The following LRRC4C variants were observed in gnomAD, a reference collection of about 807,000 sequenced individuals.
The protein encoded by LRRC4C is leucine-rich repeat-containing protein 4C.
A neutral mutation model predicts 33.6 loss-of-function variants in LRRC4C; 5 were observed. The ratio of observed to expected loss-of-function variants is 0.15; its 90% CI spans 0.08 to 0.31. The LOEUF (loss-of-function observed/expected upper bound fraction) is 0.31, where lower values mean the gene tolerates loss of function less well. LRRC4C is among the 10% of genes least tolerant of loss of function. The pLI is 1.00. For synonymous variants in LRRC4C, 329 were observed against 302.0 expected (o/e 1.09, Z -0.93); for missense variants, 560 against 796.7 (o/e 0.70, Z 3.58).
chr11:41,290,304 T>TG (rs1949954171), intron 1 of LRRC4C, among the ~76,000 whole-genome samples: 1 of 152,216 alleles, frequency 6.6e-6, no homozygotes. Flanking sequence ...CACTCCTGCC[T>TG]TTCTATACAA....
At chr11:40,149,197 A>C (rs1427390176) in intron 5 of LRRC4C, among the ~76,000 whole-genome samples, 1 of 152,152 alleles carries the variant, frequency 6.6e-6, no homozygotes, top group Non-Finnish European at 1.5e-5. Flanking sequence ...ATGAATTTTA[A>C]AATAATCTTT....
chr11:41,068,211 G>A lies in LRRC4C; in HGVS notation c.-495-134488C>T, dbSNP rs184957788. ...AGTTCAAGACCAGCCTGGCCAACGT[G>A]GTGAAACCCTGTGTCTATTAAAAAT... On this transcript the variant is annotated intron_variant, in intron 1 of 6. Transcript: ENST00000528697. Among the ~76,000 whole-genome samples, 43 of 152,246 alleles carry A rather than the reference G, an allele frequency of 2.8e-4. No individual in the cohort carries two copies. In the East Asian group the frequency reaches 7.0e-3, roughly 25 times the overall value.
intron 3 of LRRC4C, among the ~76,000 whole-genome samples, chr11:40,333,546 G>A (rs545393599): frequency 5.9e-5 from 9 of 151,544 alleles, no homozygotes; most frequent in African/African-American, 9.7e-5. Flanking sequence ...GTGAAATCCC[G>A]TCTCTACTAA....
chr11:40,744,671 G>A (rs1429198731), intron 2 of LRRC4C, among the ~76,000 whole-genome samples: 1 of 152,088 alleles, frequency 6.6e-6, no homozygotes, highest in South Asian at 2.1e-4. Flanking sequence ...CCTATGCATG[G>A]TGTTATTCTG....
chr11:40,710,961 C>T (rs1392201096), intron 2 of LRRC4C, among the ~76,000 whole-genome samples: 1 of 152,032 alleles, frequency 6.6e-6, no homozygotes, highest in Non-Finnish European at 1.5e-5. Flanking sequence ...CTGAGACTAG[C>T]AGTGGGCAAG....
At chr11:40,139,212 G>A (rs1857194804) in intron 6 of LRRC4C, among the ~76,000 whole-genome samples, 1 of 152,146 alleles carries the variant, frequency 6.6e-6, no homozygotes, top group East Asian at 1.9e-4. Flanking sequence ...GAAAAACAGT[G>A]AGCTATCAAT....
intron 3 of LRRC4C, among the ~76,000 whole-genome samples, chr11:40,485,455 A>G (rs1032553806): frequency 6.6e-6 from 1 of 151,954 alleles, no homozygotes; most frequent in Non-Finnish European, 1.5e-5. Context: ...ACTACCAGCT[A>G]ATTTGTGAAA....
chr11:40,749,520 A>C, intron 2 of LRRC4C, among the ~76,000 whole-genome samples: 1 of 151,948 alleles, frequency 6.6e-6, no homozygotes, highest in Non-Finnish European at 1.5e-5. Flanking sequence ...CTACATCAAA[A>C]AATTATAAAG....
intron 3 of LRRC4C, among the ~76,000 whole-genome samples, chr11:40,585,469 G>C (rs916050143): frequency 4.3e-5 from 6 of 140,054 alleles, no homozygotes; most frequent in African/African-American, 1.4e-4. Flanking sequence ...ATTTGAATTT[G>C]TTATTTCTTT....
At chr11:40,888,295 T>C (rs1955552972) in intron 2 of LRRC4C, among the ~76,000 whole-genome samples, 1 of 151,942 alleles carries the variant, frequency 6.6e-6, no homozygotes, top group Admixed American at 6.6e-5. Flanking sequence ...ATATTTTAGG[T>C]AAAGTTGTAT....
At chr11:40,339,598 G>A (rs1436468033) in intron 3 of LRRC4C, among the ~76,000 whole-genome samples, 1 of 152,158 alleles carries the variant, frequency 6.6e-6, no homozygotes, top group Non-Finnish European at 1.5e-5. Flanking sequence ...TGTCCTGGTT[G>A]AACATACTTA....
At chr11:40,711,302 G>C (rs1946454330) in intron 2 of LRRC4C, among the ~76,000 whole-genome samples, 2 of 152,178 alleles carry the variant, frequency 1.3e-5, no homozygotes, top group Non-Finnish European at 1.5e-5. Context: ...GCAGATGGGA[G>C]CTGTTCCTAT....
intron 1 of LRRC4C, among the ~76,000 whole-genome samples, chr11:41,418,211 T>G (rs1288459148): frequency 6.6e-6 from 1 of 151,950 alleles, no homozygotes; most frequent in African/African-American, 2.4e-5. Flanking sequence ...TCCGATATGT[T>G]TAACCCTGAG....
chr11:40,355,918 A>C (rs565756051), intron 3 of LRRC4C, among the ~76,000 whole-genome samples: 28 of 148,926 alleles, frequency 1.9e-4, no homozygotes, highest in Non-Finnish European at 4.0e-4. Flanking sequence ...CTCCCTTGCT[A>C]TGCAGTGTTT....
intron 4 of LRRC4C, among the ~76,000 whole-genome samples, chr11:40,244,472 C>T (rs767537644): frequency 6.6e-6 from 1 of 152,184 alleles, no homozygotes; most frequent in African/African-American, 2.4e-5. Flanking sequence ...GTCAATACAC[C>T]TGGATAGACT....
intron 1 of LRRC4C, among the ~76,000 whole-genome samples, chr11:40,942,108 C>G (rs575220822): frequency 6.6e-6 from 1 of 152,074 alleles, no homozygotes; most frequent in Non-Finnish European, 1.5e-5. Context: ...TAGAGAGAGT[C>G]CAGTCCTGCA....
At chr11:40,317,584 C>G (rs1393057181) in intron 4 of LRRC4C, among the ~76,000 whole-genome samples, 1 of 152,012 alleles carries the variant, frequency 6.6e-6, no homozygotes, top group Non-Finnish European at 1.5e-5. Flanking sequence ...AAACCCATGC[C>G]CTTCTATGTG....
chr11:41,017,505 T>C (rs1565304999), intron 1 of LRRC4C, among the ~76,000 whole-genome samples: 1 of 152,146 alleles, frequency 6.6e-6, no homozygotes, highest in Non-Finnish European at 1.5e-5. Context: ...ATTTGTCCAT[T>C]TGTTCATTAA....
chr11:40,845,369 T>C (rs1351389771), intron 2 of LRRC4C, among the ~76,000 whole-genome samples: 4 of 152,108 alleles, frequency 2.6e-5, no homozygotes, highest in Non-Finnish European at 4.4e-5. Flanking sequence ...TATGTCCTCA[T>C]TGTTCAACTC....
Sources: gnomAD v4.1 joint callset for allele counts (sites outside exome capture counted in the v4.1 genomes callset) on GRCh38, gnomAD v4.1.1 for gene constraint, MANE v1.5 for transcripts, NCBI Gene and HGNC (gene_info 2026-07-23, HGNC 2026-07-21) for gene names.